The following LUZP2 variants were observed in gnomAD, a reference collection of about 807,000 sequenced individuals.
LUZP2 encodes leucine zipper protein 2.
Under a neutral mutation model 51.6 loss-of-function variants are expected in LUZP2, and 52 were observed. The ratio of observed to expected loss-of-function variants is 1.01; its 90% confidence interval spans 0.81 to 1.27. The LOEUF (loss-of-function observed/expected upper bound fraction) is 1.27. Ranked by LOEUF, LUZP2 falls within the 50% of genes most tolerant of loss-of-function variation. The pLI is 0.00. For missense variants in LUZP2, 436 were observed against 395.4 expected, an observed-to-expected ratio of 1.10 and a Z score of -0.87; for synonymous variants, 154 against 137.3, an observed-to-expected ratio of 1.12 and a Z score of -0.85.
At chr11:25,030,045 T>C (rs1857601384) in intron 9 of LUZP2, among the ~76,000 whole-genome samples, 1 of 152,134 alleles carries the variant, frequency 6.6e-6, no homozygotes, top group South Asian at 2.1e-4. Context: ...TTACTGACAT[T>C]AGATGGGTAT....
At chr11:24,860,795 C>T (rs7104187) in intron 5 of LUZP2, among the ~76,000 whole-genome samples, 23,625 of 152,086 alleles carry the variant, frequency 0.16, 1,986 homozygotes, top group African/African-American at 0.21. Flanking sequence ...AAAAACCCTC[C>T]CCAAGGGTCA....
chr11:24,906,380 C>T (rs1210317065), intron 6 of LUZP2, among the ~76,000 whole-genome samples: 2 of 150,388 alleles, frequency 1.3e-5, no homozygotes, highest in Admixed American at 1.3e-4. Flanking sequence ...TTTTTTTTCC[C>T]CTCTCTTGTA....
intron 5 of LUZP2, among the ~76,000 whole-genome samples, chr11:24,816,008 A>T (rs200013809): frequency 8.6e-3 from 6 of 696 alleles, no homozygotes; most frequent in African/African-American, 0.01. Flanking sequence ...TTTTTTTTTA[A>T]AAAAAAAAAA....
intron 7 of LUZP2, among the ~76,000 whole-genome samples, chr11:24,955,643 G>T (rs12292990): frequency 2.6e-5 from 4 of 151,684 alleles, no homozygotes; most frequent in Non-Finnish European, 5.9e-5. Flanking sequence ...TTCACCTCTC[G>T]TTGGCTTGTT....
intron 1 of LUZP2, among the ~76,000 whole-genome samples, chr11:24,497,557 A>G (rs578254927): frequency 2.6e-5 from 4 of 152,320 alleles, no homozygotes; most frequent in African/African-American, 9.6e-5. Flanking sequence ...CTTCCGAAGG[A>G]GAGAAAAGAC....
intron 1 of LUZP2, among the ~76,000 whole-genome samples, chr11:24,576,217 C>A (rs1238030049): frequency 6.6e-6 from 1 of 151,658 alleles, no homozygotes; most frequent in Admixed American, 6.6e-5. Context: ...TCGAGAGCAG[C>A]CTGGCCAACA....
At chr11:25,077,645 G>A (rs572280268) in intron 11 of LUZP2, among the ~76,000 whole-genome samples, 6 of 151,456 alleles carry the variant, frequency 4.0e-5, no homozygotes, top group Admixed American at 6.6e-5. Flanking sequence ...GACTACAGGC[G>A]CCCACCACCA....
chr11:24,752,594 G>A (rs1385767643), intron 4 of LUZP2, among the ~76,000 whole-genome samples: 1 of 151,956 alleles, frequency 6.6e-6, no homozygotes, highest in Non-Finnish European at 1.5e-5. Context: ...GTGCAACAAG[G>A]GGACATATAG....
intron 5 of LUZP2, chr11:24,786,819 A>G (rs1287530554): frequency 6.6e-6 from 1 of 150,978 alleles, no homozygotes; most frequent in East Asian, 2.0e-4. Flanking sequence ...ACAATTGCCT[A>G]TGTTTTCTTT....
chr11:25,023,898 A>T (rs1857411617), intron 9 of LUZP2, among the ~76,000 whole-genome samples: 1 of 152,150 alleles, frequency 6.6e-6, no homozygotes, highest in African/African-American at 2.4e-5. Context: ...TGTACCCATT[A>T]GTCATTCAGG....
At chr11:24,621,728 A>G (rs1854502046) in intron 1 of LUZP2, among the ~76,000 whole-genome samples, 1 of 152,302 alleles carries the variant, frequency 6.6e-6, no homozygotes, top group South Asian at 2.1e-4. Context: ...GAAGAATTAC[A>G]AATAGAGTGA....
chr11:24,539,323 A>C (rs1851283193), intron 1 of LUZP2, among the ~76,000 whole-genome samples: 1 of 151,908 alleles, frequency 6.6e-6, no homozygotes, highest in African/African-American at 2.4e-5. Flanking sequence ...GCCACAGATA[A>C]TTTGAATATA....
At chr11:24,826,083 G>A (rs921552791) in intron 5 of LUZP2, among the ~76,000 whole-genome samples, 13 of 149,352 alleles carry the variant, frequency 8.7e-5, no homozygotes, top group Non-Finnish European at 1.6e-4. Flanking sequence ...GGCTGAGGCA[G>A]GAGAATGGCG....
chr11:24,533,019 C>T lies in LUZP2; in HGVS notation c.62+35714C>T, dbSNP rs117147403. ...CAGTCAATTTGTTCTTTATATCTAA[C>T]TTGAAAAATACTAACATCACCAGAC... On this transcript the variant is annotated intron_variant, in intron 1 of 11. Transcript: ENST00000336930. Among the ~76,000 whole-genome samples the T allele has an allele frequency of 7.9e-3, 1,197 of 151,288 alleles. 8 individuals carry two copies. The highest frequency in any genetic ancestry group is 0.013 in the Non-Finnish European group (849 of 67,380).
intron 1 of LUZP2, among the ~76,000 whole-genome samples, chr11:24,498,260 A>T (rs1039999633): frequency 6.6e-6 from 1 of 152,228 alleles, no homozygotes; most frequent in African/African-American, 2.4e-5. Flanking sequence ...GATCCTTTCA[A>T]GTCTACGTGA....
chr11:25,057,266 T>C (rs897267572), intron 10 of LUZP2, among the ~76,000 whole-genome samples: 4 of 152,162 alleles, frequency 2.6e-5, no homozygotes, highest in African/African-American at 7.2e-5. Context: ...AAAACATGCT[T>C]ATTTTTAGAT....
At chr11:24,687,206 C>T (rs1856923130) in intron 1 of LUZP2, among the ~76,000 whole-genome samples, 1 of 151,302 alleles carries the variant, frequency 6.6e-6, no homozygotes, top group Non-Finnish European at 1.5e-5. Context: ...ATGACATATG[C>T]ATAAAATGAT....
intron 10 of LUZP2, among the ~76,000 whole-genome samples, chr11:25,059,850 A>G (rs1033565895): frequency 5.3e-5 from 8 of 152,226 alleles, no homozygotes; most frequent in African/African-American, 1.7e-4. Context: ...GTGTAAACTT[A>G]AAGTGAGTAT....
rs181198504 is a variant in LUZP2, at chr11:24,706,615, G to T, written c.63-22554G>T. Among the ~76,000 whole-genome samples, 98 of 152,238 alleles carry T rather than the reference G, an allele frequency of 6.4e-4. 1 individual carries two copies. The South Asian group carries it at 0.012, about 18-fold the overall frequency. ...CTAAACTACCATAAAATGGCTGTCAGAATTGATGGATAATGATGAGGGTGG... is the reference window on the plus strand; with the variant it reads ...CTAAACTACCATAAAATGGCTGTCATAATTGATGGATAATGATGAGGGTGG... On this transcript the variant is annotated intron_variant, in intron 1 of 11. Coordinates refer to ENST00000336930, the MANE Select transcript of LUZP2 (RefSeq NM_001009909.4).
Sources: gnomAD v4.1 joint callset for allele counts (sites outside exome capture counted in the v4.1 genomes callset) on GRCh38, gnomAD v4.1.1 for gene constraint, MANE v1.5 for transcripts, NCBI Gene and HGNC (gene_info 2026-07-23, HGNC 2026-07-21) for gene names.